LTF: variants seen among roughly 807,000 people sequenced by gnomAD.
LTF encodes the protein lactotransferrin, also known as epididymis luminal protein 110.
LTF carries 91 observed loss-of-function variants against 87.2 expected under a neutral mutation model. The observed-to-expected ratio is 1.04, with a 90% CI of 0.88 to 1.24. LTF has a LOEUF of 1.24. Ranked by LOEUF, LTF falls within the 50% of genes most tolerant of loss-of-function variation. The pLI, the probability that LTF is intolerant of heterozygous loss-of-function variation, is 0.00. For missense variants in LTF, 901 were observed against 904.3 expected, an observed-to-expected ratio of 1.00 and a Z score of 0.05; for synonymous variants, 378 against 356.1, an observed-to-expected ratio of 1.06 and a Z score of -0.69.
rs115959184 is a variant in LTF, at chr3:46,475,871, T to C, written c.-319-5405A>G. Among the ~76,000 whole-genome samples, 1,111 of 152,294 alleles carry C rather than the reference T, an allele frequency of 7.3e-3. 18 individuals are homozygous for C. Among genetic ancestry groups the C allele is most frequent in the African/African-American group, 0.025 (1,025 of 41,558 alleles). On this transcript the variant is annotated intron_variant, in intron 1 of 19. Transcript: ENST00000443496. ...CACACCATCTCCCAACCCCTAAAGC[T>C]AGCTACTACTATAATTTCTACACTA...
chr3:46,448,187 G>A (rs945008830), intron 9 of LTF, among the ~76,000 whole-genome samples: 1 of 152,060 alleles, frequency 6.6e-6, no homozygotes, highest in African/African-American at 2.4e-5. Context: ...AACAAAGCGA[G>A]ACCCTGTCGC....
At chr3:46,466,885 T>C (rs1024464227), upstream of LTF, among the ~76,000 whole-genome samples, 2 of 152,184 alleles carry the variant, frequency 1.3e-5, no homozygotes, top group Non-Finnish European at 2.9e-5. Flanking sequence ...CCCGTGTCTC[T>C]TTTTCTGAGT....
chr3:46,474,626 T>G (rs1021919543), intron 1 of LTF, among the ~76,000 whole-genome samples: 2 of 152,170 alleles, frequency 1.3e-5, no homozygotes, highest in African/African-American at 4.8e-5. Context: ...ATAGAGCCCT[T>G]TACCCAACAA....
chr3:46,458,759 G>A (rs189150872), intron 2 of LTF, among the ~76,000 whole-genome samples: 119 of 152,266 alleles, frequency 7.8e-4, no homozygotes, highest in Admixed American at 1.2e-3. Context: ...ATTTTTAGTA[G>A]AGGCAGGGTT....
rs781238651 is a variant in LTF at position 46,449,024 on chromosome 3, GAGGGA to G, written c.1058-12_1058-8del. The G allele has an allele frequency of 6.2e-7, 1 of 1,603,760 alleles. No individual in the cohort carries two copies. Among genetic ancestry groups the G allele is most frequent in the African/African-American group, 1.3e-5 (1 of 74,548 alleles). The stretch of plus-strand genomic sequence containing the variant: ...GCAGCCACTTCCTCCTCACCTGCCA[GAGGGA>G]AGACCGCAGGTGGCTGGGCAACCTG... On this transcript the variant is annotated splice_region_variant and splice_polypyrimidine_tract_variant and intron_variant, in intron 8 of 16. Transcript: ENST00000231751.
chr3:46,458,885 T>C (rs1490443469), intron 2 of LTF, among the ~76,000 whole-genome samples: 1 of 152,232 alleles, frequency 6.6e-6, no homozygotes, highest in Non-Finnish European at 1.5e-5. Flanking sequence ...CTGGTACTGT[T>C]TGTATGCAGG....
chr3:46,455,754 G>A lies in LTF; in HGVS notation c.499+42C>T, dbSNP rs184641990. On this transcript the variant is annotated intron_variant, in intron 4 of 16. Transcript: ENST00000231751. The stretch of plus-strand genomic sequence containing the variant: ...GGCCTGTGCTTACAACTGGAATAGA[G>A]CCCCCTGCCTGAGGCCACTCACTAT... 2.9e-5 allele frequency: 44 copies of A among 1,521,266 alleles called. No homozygotes were observed. In the East Asian group the frequency reaches 9.6e-4, roughly 33 times the overall value. 94.2% of individuals were successfully genotyped at this position (1,521,266 alleles called of 1,614,324 possible).
chr3:46,436,007 A>T lies in LTF; in HGVS notation c.*188T>A. On this transcript the variant is annotated 3_prime_UTR_variant, in exon 17 of 17. Transcript: ENST00000231751. ...TAGAAAAGATGAGTGACACTTTATA[A>T]GGAGAGAATATCAACAAAATTTCTC... 1 of 609,594 alleles carries T rather than the reference A, an allele frequency of 1.6e-6. No homozygotes were observed. Among genetic ancestry groups the T allele is most frequent in the Non-Finnish European group, 2.9e-6 (1 of 340,846 alleles). 37.8% of individuals were successfully genotyped at this position (609,594 alleles called of 1,614,324 possible).
chr3:46,467,839 G>A (rs981509390), upstream of LTF, among the ~76,000 whole-genome samples: 1 of 151,924 alleles, frequency 6.6e-6, no homozygotes, highest in Non-Finnish European at 1.5e-5. Flanking sequence ...CTTGTTGGAA[G>A]AAGGATTAAC....
Position 46,464,834 on chromosome 3 carries a change from C to T in LTF, c.34G>A (p.Gly12Arg), listed in dbSNP as rs1285374994. The change falls in exon 1 of 17, where the codon GGG becomes AGG. Residue 12 changes from glycine to arginine, a missense_variant. By Grantham distance (125) the Gly-to-Arg change is moderately radical. Coordinates refer to ENST00000231751, the MANE Select transcript of LTF (RefSeq NM_002343.6). The part of the protein sequence containing the change: ...KLVFLVLLFL[G>R]ALGLCLAGRR... ...AGGCACCTGCACTCACCGAGGGCCC[C>T]GAGGAACAGCAGGACGAGGAAGACA... The T allele has an allele frequency of 1.2e-6, 2 of 1,613,948 alleles. No homozygotes were observed. The highest frequency in any genetic ancestry group is 2.2e-5 in the East Asian group (1 of 44,888).
chr3:46,456,989 C>A (rs994707617), intron 2 of LTF, among the ~76,000 whole-genome samples: 1 of 152,168 alleles, frequency 6.6e-6, no homozygotes, highest in African/African-American at 2.4e-5. Context: ...GCATTGGATT[C>A]TCATAGGGAG....
At chr3:46,448,068 T>C (rs35183069) in intron 9 of LTF, among the ~76,000 whole-genome samples, 1 of 152,090 alleles carries the variant, frequency 6.6e-6, no homozygotes, top group African/African-American at 2.4e-5. Flanking sequence ...GAAGCATGTT[T>C]AAAAAATGTT....
chr3:46,472,336 C>T (rs748963797), intron 1 of LTF, among the ~76,000 whole-genome samples: 9 of 152,022 alleles, frequency 5.9e-5, no homozygotes, highest in Non-Finnish European at 1.2e-4. Flanking sequence ...TCATCCTTAG[C>T]CTCCTGTGTG....
intron 1 of LTF, among the ~76,000 whole-genome samples, chr3:46,460,094 C>A (rs1005164159): frequency 6.6e-6 from 1 of 152,174 alleles, no homozygotes; most frequent in African/African-American, 2.4e-5. Context: ...ATGTTTCCTA[C>A]CACTTAAAAA....
chr3:46,441,773 T>C (rs1702519153), intron 13 of LTF: 6 of 315,900 alleles, frequency 1.9e-5, no homozygotes, highest in Admixed American at 5.1e-5. Flanking sequence ...AAAATAATGG[T>C]CAACAGGACC....
At chr3:46,440,961 C>T (rs1365520187) in intron 14 of LTF, among the ~76,000 whole-genome samples, 1 of 152,186 alleles carries the variant, frequency 6.6e-6, no homozygotes, top group Non-Finnish European at 1.5e-5. Flanking sequence ...GTCTCCAGAC[C>T]AAGGCTCACA....
chr3:46,471,485 G>A (rs1166865349), intron 1 of LTF, among the ~76,000 whole-genome samples: 1 of 152,212 alleles, frequency 6.6e-6, no homozygotes, highest in African/African-American at 2.4e-5. Context: ...TGAGTTCCAG[G>A]AGGGAAAGGA....
chr3:46,441,270 C>G, intron 14 of LTF, 146 bp downstream of exon 14: 1 of 618,188 alleles, frequency 1.6e-6, no homozygotes, highest in East Asian at 2.8e-5. Context: ...ATCATGTTGT[C>G]TATTGAGATA....
intron 6 of LTF, among the ~76,000 whole-genome samples, chr3:46,453,278 G>C (rs886769745): frequency 1.3e-5 from 2 of 152,234 alleles, no homozygotes; most frequent in Admixed American, 6.5e-5. Context: ...ACTATCTATT[G>C]CATTACAACC....
Sources: allele counts gnomAD v4.1 joint callset (sites outside exome capture counted in the v4.1 genomes callset), GRCh38; gene constraint gnomAD v4.1.1; transcripts MANE v1.5; gene names NCBI Gene and HGNC (gene_info 2026-07-23, HGNC 2026-07-21).